Variants in CIAPIN1 observed in about 807,000 individuals in gnomAD.
CIAPIN1 encodes anamorsin.
Under a neutral mutation model 34.3 loss-of-function variants are expected in CIAPIN1, and 18 were observed. The observed-to-expected ratio is 0.52, with a 90% CI of 0.36 to 0.78. The LOEUF is 0.78. Ranked by LOEUF, CIAPIN1 falls within the 30% of genes least tolerant of loss-of-function variation. CIAPIN1 has a pLI of 0.00. For missense variants in CIAPIN1, 310 were observed against 372.5 expected (o/e 0.83, Z 1.38); for synonymous variants, 131 against 140.4 (o/e 0.93, Z 0.47).
chr16:57,442,299 T>C (rs1365336330), intron 1 of CIAPIN1, among the ~76,000 whole-genome samples: 1 of 152,118 alleles, frequency 6.6e-6, no homozygotes, highest in Non-Finnish European at 1.5e-5. Flanking sequence ...TGAGCCAAGA[T>C]CGTGCCGCTG....
intron 1 of CIAPIN1, among the ~76,000 whole-genome samples, chr16:57,442,888 C>T (rs2029900911): frequency 6.6e-6 from 1 of 152,076 alleles, no homozygotes; most frequent in African/African-American, 2.4e-5. Flanking sequence ...ACCTGTATCT[C>T]CCACCATTCC....
At chr16:57,434,677 TA>T (rs1903160891) in intron 4 of CIAPIN1, among the ~76,000 whole-genome samples, 2 of 152,178 alleles carry the variant, frequency 1.3e-5, no homozygotes, top group African/African-American at 4.8e-5. Context: ...CTATGTCCAA[TA>T]ATTATAGACT....
intron 5 of CIAPIN1, 109 bp from the exon 6 acceptor site, chr16:57,432,669 G>T: frequency 2.0e-6 from 2 of 1,008,004 alleles, no homozygotes; most frequent in Non-Finnish European, 2.9e-6. Flanking sequence ...ACTGGCCTGG[G>T]AGGCAGAAGA....
At chr16:57,436,856 T>A (rs914860278) in intron 3 of CIAPIN1, 124 bp from the exon 4 acceptor site, 2 of 585,766 alleles carry the variant, frequency 3.4e-6, no homozygotes, top group South Asian at 3.9e-5. Context: ...TGGTGGCTCA[T>A]GTCTGTAATC....
intron 8 of CIAPIN1, 82 bp from the exon 9 acceptor site, chr16:57,429,362 T>C (rs990620188): frequency 1.1e-6 from 1 of 935,580 alleles, no homozygotes; most frequent in Middle Eastern, 2.1e-4. Flanking sequence ...AATTTCATAA[T>C]GTGGCCACAG....
intron 3 of CIAPIN1, among the ~76,000 whole-genome samples, chr16:57,438,861 C>G (rs1195914983): frequency 6.6e-6 from 1 of 152,184 alleles, no homozygotes; most frequent in African/African-American, 2.4e-5. Flanking sequence ...TCCATCCAAG[C>G]TGATGTACAT....
chr16:57,437,679 C>T (rs1903235631), intron 3 of CIAPIN1, among the ~76,000 whole-genome samples: 1 of 151,912 alleles, frequency 6.6e-6, no homozygotes, highest in African/African-American at 2.4e-5. Flanking sequence ...GTGTGCACTA[C>T]CACACTGGGC....
At chr16:57,429,383 G>T (rs1309624607) in intron 8 of CIAPIN1, 103 bp from the exon 9 acceptor site, 2 of 741,936 alleles carry the variant, frequency 2.7e-6, no homozygotes, top group African/African-American at 3.5e-5. Flanking sequence ...TGGCCTGAAG[G>T]AAATGGCTAT....
chr16:57,433,063 C>G (rs1212972601), intron 5 of CIAPIN1, among the ~76,000 whole-genome samples: 3 of 152,176 alleles, frequency 2.0e-5, no homozygotes, highest in Admixed American at 2.0e-4. Flanking sequence ...TCAAAACCTT[C>G]AAAAATAGCA....
intron 1 of CIAPIN1, among the ~76,000 whole-genome samples, chr16:57,445,834 GTTTTTTT>G (rs751037117): frequency 1.4e-4 from 10 of 70,494 alleles, no homozygotes; most frequent in Middle Eastern, 0.011. Context: ...GACCTTAGAG[GTTTTTTT>G]TTTTTTTTTT....
rs781144913 is a variant in CIAPIN1, at chr16:57,434,170, G to A, written c.430C>T (p.Arg144Ter). ...TCACTTTCATGACCAAGGTGTTCTC[G>A]AACAGACTGTACTTCCTCAGGGGTT... is the stretch of plus-strand genomic sequence containing the variant. ...PLTPEEVQSV[R>*]EHLGHESDNL... The change falls in exon 5 of 9, where the codon CGA becomes TGA. Residue 144 changes from arginine (R) to a stop codon, truncating the protein, a stop_gained. Transcript: ENST00000394391. LOFTEE classifies it high-confidence loss of function. 3.1e-6 allele frequency: 5 copies of A among 1,614,008 alleles called. No homozygotes were observed. The highest frequency in any genetic ancestry group is 2.7e-5 in the African/African-American group (2 of 75,026).
At chr16:57,430,141 C>T (rs1903054074) in intron 8 of CIAPIN1, 117 bp downstream of exon 8, 2 of 859,340 alleles carry the variant, frequency 2.3e-6, no homozygotes, top group Admixed American at 2.0e-5. Context: ...CGTTCGTGTG[C>T]TCACGCATTC....
At chr16:57,436,569 C>A (rs1903204850) in intron 4 of CIAPIN1, 87 bp downstream of exon 4, 4 of 997,730 alleles carry the variant, frequency 4.0e-6, no homozygotes. Flanking sequence ...ATGTATCTTA[C>A]ATGCACAGCA....
intron 4 of CIAPIN1, among the ~76,000 whole-genome samples, chr16:57,434,607 TG>T (rs1903159584): frequency 6.6e-6 from 1 of 152,192 alleles, no homozygotes; most frequent in South Asian, 2.1e-4. Context: ...ATCCTTTCTA[TG>T]TTCCTTGGGA....
intron 3 of CIAPIN1, among the ~76,000 whole-genome samples, chr16:57,438,434 AG>A (rs1903250878): frequency 6.6e-6 from 1 of 152,252 alleles, no homozygotes; most frequent in Non-Finnish European, 1.5e-5. Context: ...AACAAAAAAA[AG>A]TTCTGTATAT....
At position 57,429,781 on chromosome 16, in the gene CIAPIN1, C is replaced by T. The variant is rs868647131; in HGVS notation, c.828+477G>A. Among the ~76,000 whole-genome samples, 9 of 149,928 alleles carry T rather than the reference C, an allele frequency of 6.0e-5. No individual in the cohort carries two copies. In the South Asian group the frequency reaches 8.5e-4, roughly 14 times the overall value. On this transcript the variant is annotated intron_variant, in intron 8 of 8. Transcript: ENST00000394391. The stretch of plus-strand genomic sequence containing the variant: ...TGCTGGGATTACAGGCGTGAGCCAC[C>T]GCACCCGGCCTTTTTTTTTTTTTGA...
chr16:57,442,640 G>A (rs554303483), intron 1 of CIAPIN1, among the ~76,000 whole-genome samples: 1 of 152,308 alleles, frequency 6.6e-6, no homozygotes, highest in Non-Finnish European at 1.5e-5. Flanking sequence ...AGGCTGCAGT[G>A]AGCCAAGATT....
At chr16:57,445,019 T>A (rs2146575720) in intron 1 of CIAPIN1, among the ~76,000 whole-genome samples, 1 of 152,290 alleles carries the variant, frequency 6.6e-6, no homozygotes, top group South Asian at 2.1e-4. Flanking sequence ...AAAGCGGATG[T>A]CTGAGAACAG....
In CIAPIN1 at chr16:57,429,260, G is replaced by A; in HGVS notation, c.849C>T (p.Phe283=). 2 of 1,613,994 alleles carry A rather than the reference G, an allele frequency of 1.2e-6. No individual in the cohort carries two copies. The highest frequency in any genetic ancestry group is 1.3e-5 in the African/African-American group (1 of 75,042). Residue 283 remains phenylalanine, a synonymous_variant, in exon 9 of 9, where the codon TTC becomes TTT. Coordinates refer to ENST00000394391, the MANE Select transcript of CIAPIN1 (RefSeq NM_020313.4). ...ACGNCYLGDA[F]RCASCPYLGM... ...CAAGGTAGGGGCAGCTGGCACAGCG[G>A]AAGGCATCGCCCAGGTAGCACTGGA...
Sources: gnomAD v4.1 joint callset for allele counts (sites outside exome capture counted in the v4.1 genomes callset) on GRCh38, gnomAD v4.1.1 for gene constraint, MANE v1.5 for transcripts, NCBI Gene and HGNC (gene_info 2026-07-23, HGNC 2026-07-21) for gene names.